Variants in UVRAG observed in about 807,000 individuals in gnomAD.
UVRAG encodes UV radiation resistance-associated gene protein.
In UVRAG, 19 loss-of-function variants were observed where a neutral mutation model predicts 78.0. The ratio of observed to expected loss-of-function variants is 0.24; its 90% CI spans 0.17 to 0.36. The LOEUF (loss-of-function observed/expected upper bound fraction) is 0.36. UVRAG is among the 10% of genes least tolerant of loss of function. The probability of loss-of-function intolerance (pLI) is 1.00; values close to 1 mark genes in which losing one functional copy is unlikely to be tolerated. For missense variants in UVRAG, 740 were observed against 853.8 expected, an observed-to-expected ratio of 0.87 and a Z score of 1.66; for synonymous variants, 323 against 324.6, an observed-to-expected ratio of 1.00 and a Z score of 0.05.
intron 1 of UVRAG, among the ~76,000 whole-genome samples, chr11:75,833,962 CT>C (rs747816067): frequency 3.3e-4 from 50 of 152,234 alleles, no homozygotes; most frequent in Non-Finnish European, 2.2e-4. Context: ...GAACATGTCA[CT>C]AGTGCTGCAG....
chr11:75,829,469 C>T (rs1298609700), intron 1 of UVRAG, among the ~76,000 whole-genome samples: 1 of 152,198 alleles, frequency 6.6e-6, no homozygotes, highest in East Asian at 1.9e-4. Flanking sequence ...TTTTGTTTGG[C>T]TTCTTAAAGT....
rs150932360 is a variant in UVRAG, at chr11:75,922,183, T to C, written c.593+10144T>C. Reference sequence around the variant, plus strand: ...ATATTAGTATACCCATCCAAGAACATGGTGTCTTTTCATTTGTTTATATTT... The same window carrying C: ...ATATTAGTATACCCATCCAAGAACACGGTGTCTTTTCATTTGTTTATATTT... On this transcript the variant is annotated intron_variant, in intron 6 of 14. Transcript: ENST00000356136. 8.4e-3 allele frequency among the ~76,000 whole-genome samples: 1,280 copies of C among 152,208 alleles called. 22 individuals carry two copies. Among genetic ancestry groups the C allele is most frequent in the African/African-American group, 0.03 (1,228 of 41,570 alleles).
chr11:75,902,962 G>T (rs570288410), intron 5 of UVRAG, among the ~76,000 whole-genome samples: 1 of 152,190 alleles, frequency 6.6e-6, no homozygotes, highest in Admixed American at 6.5e-5. Context: ...AATTCTTATT[G>T]TCTGCTAGAT....
At position 75,948,822 on chromosome 11, in the gene UVRAG, AAGAT is replaced by A. The variant is rs1397851702; in HGVS notation, c.594-12620_594-12617del. On this transcript the variant is annotated intron_variant, in intron 6 of 14. Transcript: ENST00000356136. The stretch of plus-strand genomic sequence containing the variant: ...GGTTAGTGTCCATCAGAGAAGAAGA[AAGAT>A]AAAGTGGTGAGGTACTAGATGCATT... Among the ~76,000 whole-genome samples the A allele has an allele frequency of 3.3e-5, 5 of 152,262 alleles. No individual in the cohort carries two copies. In the East Asian group the frequency reaches 9.6e-4, roughly 29 times the overall value.
chr11:76,095,937 T>C lies in UVRAG; in HGVS notation c.1306-19987T>C, dbSNP rs146077510. The stretch of plus-strand genomic sequence containing the variant: ...ACCTCTGCTTTTACTGAGTAGCTCC[T>C]ATCAGATCAACTCTCCCACAGATTA... On this transcript the variant is annotated intron_variant, in intron 13 of 14. Coordinates refer to ENST00000356136, the MANE Select transcript of UVRAG (RefSeq NM_003369.4). Among the ~76,000 whole-genome samples the C allele has an allele frequency of 2.8e-3, 414 of 149,916 alleles. 6 individuals are homozygous for C. Among genetic ancestry groups the C allele is most frequent in the African/African-American group, 9.7e-3 (395 of 40,884 alleles).
chr11:76,052,740 T>C (rs1950893673), intron 12 of UVRAG, among the ~76,000 whole-genome samples: 1 of 152,134 alleles, frequency 6.6e-6, no homozygotes, highest in Non-Finnish European at 1.5e-5. Context: ...AGTCCTTTTC[T>C]GGCTCCTTCT....
rs1951636870 is a variant in UVRAG at position 76,088,592 on chromosome 11, C to G, written c.1305+22804C>G. ...CACGTTTCAGCCTCAACTCCTGCAA[C>G]CACTTACCCCAAAACCTCCGCCACT... is the stretch of plus-strand genomic sequence containing the variant. On this transcript the variant is annotated intron_variant, in intron 13 of 14. Transcript: ENST00000356136. Among the ~76,000 whole-genome samples, 4 of 151,366 alleles carry G rather than the reference C, an allele frequency of 2.6e-5. No homozygotes were observed. In the South Asian group the frequency reaches 8.4e-4, roughly 32 times the overall value.
intron 1 of UVRAG, among the ~76,000 whole-genome samples, chr11:75,837,068 GC>G (rs1945793442): frequency 6.6e-6 from 1 of 152,040 alleles, no homozygotes; most frequent in Admixed American, 6.6e-5. Flanking sequence ...GGTGGCTCAC[GC>G]CTGTAATCCC....
chr11:76,030,838 C>T (rs1950423061), intron 12 of UVRAG, among the ~76,000 whole-genome samples: 1 of 152,110 alleles, frequency 6.6e-6, no homozygotes. Context: ...GTGAACTATT[C>T]TCTCTATATA....
chr11:76,013,738 C>T (rs533011857), intron 11 of UVRAG, among the ~76,000 whole-genome samples: 1 of 152,318 alleles, frequency 6.6e-6, no homozygotes, highest in South Asian at 2.1e-4. Flanking sequence ...ACTGGAGATT[C>T]AGTGGTCTTG....
chr11:75,994,810 G>A (rs1480227374), intron 8 of UVRAG, among the ~76,000 whole-genome samples: 2 of 152,130 alleles, frequency 1.3e-5, no homozygotes, highest in East Asian at 3.8e-4. Flanking sequence ...ACAGTTTGCT[G>A]TTTTTCTATT....
chr11:76,137,212 A>C (rs1367280078), intron 14 of UVRAG: 6 of 394,492 alleles, frequency 1.5e-5, no homozygotes, highest in Non-Finnish European at 2.5e-5. Context: ...CTTTACAAGA[A>C]CACAGCAAAC....
In UVRAG at chr11:75,820,431, C is replaced by T. The variant is rs184898800; in HGVS notation, c.117+4907C>T. On this transcript the variant is annotated intron_variant, in intron 1 of 14. Coordinates refer to ENST00000356136, the MANE Select transcript of UVRAG (RefSeq NM_003369.4). The stretch of plus-strand genomic sequence containing the variant: ...GTGGAGTGGTGCGATCTCCGCTCAC[C>T]GCAACCTCCGCCTTTCAGGTTCAAG... 4.0e-5 allele frequency among the ~76,000 whole-genome samples: 6 copies of T among 151,856 alleles called. No homozygotes were observed. The East Asian group carries it at 7.8e-4, about 20-fold the overall frequency.
rs1215047 is a variant in UVRAG, at chr11:76,048,334, T to G, written c.1227-17376T>G. ...CCATTCAAATATTTAAGCTGTTGTG[T>G]GATGCAGAACAGGTAAAGATTAGCC... On this transcript the variant is annotated intron_variant, in intron 12 of 14. Coordinates refer to ENST00000356136, the MANE Select transcript of UVRAG (RefSeq NM_003369.4). Among the ~76,000 whole-genome samples, 537 of 152,324 alleles carry G rather than the reference T, an allele frequency of 3.5e-3. 14 individuals carry two copies. Among genetic ancestry groups the G allele is most frequent in the Admixed American group, 0.029 (445 of 15,310 alleles).
At chr11:75,928,117 A>G (rs2135093278) in intron 6 of UVRAG, among the ~76,000 whole-genome samples, 1 of 152,206 alleles carries the variant, frequency 6.6e-6, no homozygotes, top group South Asian at 2.1e-4. Flanking sequence ...AAGAAAAAAA[A>G]AATGCCTTTG....
intron 6 of UVRAG, among the ~76,000 whole-genome samples, chr11:75,952,252 T>C (rs114653636): frequency 0.013 from 1,974 of 152,276 alleles, 40 homozygotes; most frequent in African/African-American, 0.044. Flanking sequence ...TCCTTTCCTA[T>C]ACCTATGGCT....
chr11:75,981,467 G>A (rs1398908826), intron 7 of UVRAG, among the ~76,000 whole-genome samples: 1 of 150,458 alleles, frequency 6.6e-6, no homozygotes, highest in African/African-American at 2.5e-5. Flanking sequence ...TTTTTTGTGT[G>A]TGTGACAGGG....
chr11:76,124,737 C>T (rs928948768), intron 14 of UVRAG, among the ~76,000 whole-genome samples: 2 of 152,196 alleles, frequency 1.3e-5, no homozygotes, highest in Admixed American at 6.5e-5. Context: ...CCAGATAGTC[C>T]TTCTGCTGAC....
At chr11:76,019,721 G>T (rs1417943339) in intron 12 of UVRAG, among the ~76,000 whole-genome samples, 1 of 152,214 alleles carries the variant, frequency 6.6e-6, no homozygotes, top group Non-Finnish European at 1.5e-5. Flanking sequence ...GGAGCTGGGA[G>T]TAGGGAGACA....
Sources: allele counts gnomAD v4.1 joint callset (sites outside exome capture counted in the v4.1 genomes callset), GRCh38; gene constraint gnomAD v4.1.1; transcripts MANE v1.5; gene names NCBI Gene and HGNC (gene_info 2026-07-23, HGNC 2026-07-21).